The following FAM227B variants were observed in gnomAD, a reference collection of about 807,000 sequenced individuals.
The protein encoded by FAM227B is family with sequence similarity 227 member B.
In FAM227B, 88 loss-of-function variants were observed where a neutral mutation model predicts 73.8. The ratio of observed to expected loss-of-function variants is 1.19; its 90% confidence interval spans 1.00 to 1.42. The LOEUF (loss-of-function observed/expected upper bound fraction) is 1.42. Among genes scored for constraint, FAM227B ranks in the 40% most tolerant of loss-of-function variants. The probability of loss-of-function intolerance (pLI) is 0.00; values close to 1 mark genes in which losing one functional copy is unlikely to be tolerated. For missense variants in FAM227B, 632 were observed against 590.9 expected, an observed-to-expected ratio of 1.07 and a Z score of -0.72; for synonymous variants, 210 against 190.5, an observed-to-expected ratio of 1.10 and a Z score of -0.84.
intron 11 of FAM227B, among the ~76,000 whole-genome samples, chr15:49,403,900 C>T (rs1268239565): frequency 2.0e-5 from 3 of 152,058 alleles, no homozygotes; most frequent in Non-Finnish European, 2.9e-5. Flanking sequence ...GCATTTAGTC[C>T]TATACATTTC....
intron 11 of FAM227B, among the ~76,000 whole-genome samples, chr15:49,394,929 T>C (rs544150536): frequency 6.6e-6 from 1 of 152,258 alleles, no homozygotes; most frequent in South Asian, 2.1e-4. Flanking sequence ...CACACACGCA[T>C]GCCAAACTTA....
rs368536213 is a variant in FAM227B at position 49,521,361 on chromosome 15, G to T, written c.875-13013C>A. Among the ~76,000 whole-genome samples, 435 of 152,296 alleles carry T rather than the reference G, an allele frequency of 2.9e-3. 6 individuals carry two copies. Among genetic ancestry groups the T allele is most frequent in the South Asian group, 0.027 (128 of 4,820 alleles). ...GCCCTTTGAAACAAAGGAAACATGG[G>T]TGTGTGGTGATCTCTGAAAGGGGCA... On this transcript the variant is annotated intron_variant, in intron 10 of 15. Coordinates refer to ENST00000299338, the MANE Select transcript of FAM227B (RefSeq NM_152647.3).
intron 5 of FAM227B, among the ~76,000 whole-genome samples, chr15:49,582,150 T>C (rs1327931224): frequency 6.6e-6 from 1 of 152,176 alleles, no homozygotes; most frequent in African/African-American, 2.4e-5. Context: ...TGAATGTAAA[T>C]GGGGGCTAAA....
intron 8 of FAM227B, among the ~76,000 whole-genome samples, chr15:49,571,681 C>A (rs553410631): frequency 3.9e-4 from 59 of 151,974 alleles, no homozygotes; most frequent in Admixed American, 2.6e-3. Context: ...TTTGGGGGCT[C>A]TCTTTTCTGT....
At chr15:49,554,329 A>G (rs1023376551) in intron 9 of FAM227B, among the ~76,000 whole-genome samples, 1 of 151,882 alleles carries the variant, frequency 6.6e-6, no homozygotes. Context: ...TTGCGTGCAC[A>G]CTCCAGTCCA....
At chr15:49,415,831 G>A (rs1220464204) in intron 11 of FAM227B, among the ~76,000 whole-genome samples, 1 of 152,114 alleles carries the variant, frequency 6.6e-6, no homozygotes, top group Non-Finnish European at 1.5e-5. Context: ...TATGCCAAGG[G>A]TAAGCACAAG....
At chr15:49,392,279 G>A (rs1384950050) in intron 11 of FAM227B, among the ~76,000 whole-genome samples, 1 of 152,128 alleles carries the variant, frequency 6.6e-6, no homozygotes, top group Non-Finnish European at 1.5e-5. Context: ...GCTTGAATTA[G>A]TACCTTGGAG....
chr15:49,334,946 A>G (rs1409329180), intron 14 of FAM227B, among the ~76,000 whole-genome samples: 1 of 152,194 alleles, frequency 6.6e-6, no homozygotes, highest in Non-Finnish European at 1.5e-5. Context: ...ACCACAAGCA[A>G]TTATTTTATA....
intron 14 of FAM227B, among the ~76,000 whole-genome samples, chr15:49,332,283 C>G (rs1449709525): frequency 6.6e-6 from 1 of 152,164 alleles, no homozygotes; most frequent in Non-Finnish European, 1.5e-5. Context: ...TCATAAGGCT[C>G]TAGCCCAGAC....
chr15:49,436,373 A>G (rs2051105607), intron 11 of FAM227B, among the ~76,000 whole-genome samples: 1 of 151,622 alleles, frequency 6.6e-6, no homozygotes, highest in East Asian at 1.9e-4. Context: ...CAAGAAGTTC[A>G]TATATAGAAT....
chr15:49,350,248 C>T (rs531596276), intron 13 of FAM227B, among the ~76,000 whole-genome samples: 1 of 152,226 alleles, frequency 6.6e-6, no homozygotes, highest in East Asian at 1.9e-4. Flanking sequence ...TAAAATGTGG[C>T]GAGTGTATCA....
chr15:49,515,089 T>C (rs2059287989), intron 10 of FAM227B, among the ~76,000 whole-genome samples: 1 of 152,144 alleles, frequency 6.6e-6, no homozygotes. Context: ...TTTTCTCCTT[T>C]AGGGATTCCA....
chr15:49,586,582 TACC>T (rs1194990923), intron 5 of FAM227B, among the ~76,000 whole-genome samples: 1 of 152,086 alleles, frequency 6.6e-6, no homozygotes, highest in Non-Finnish European at 1.5e-5. Flanking sequence ...CAAAATAAAC[TACC>T]AACAGAGTAA....
At chr15:49,615,078 A>T (rs745810489) in intron 2 of FAM227B, 43 bp downstream of exon 2, 2 of 1,573,700 alleles carry the variant, frequency 1.3e-6, no homozygotes, top group East Asian at 2.2e-5. Flanking sequence ...CAAGAGAAAT[A>T]TAACCTTTGT....
chr15:49,486,565 A>C (rs1313626155), intron 11 of FAM227B: 1 of 151,974 alleles, frequency 6.6e-6, no homozygotes, highest in Non-Finnish European at 1.5e-5. Flanking sequence ...TCTTCATTTT[A>C]AAAGGGTAAA....
intron 10 of FAM227B, among the ~76,000 whole-genome samples, chr15:49,535,693 C>G (rs565437814): frequency 6.6e-6 from 1 of 151,774 alleles, no homozygotes; most frequent in African/African-American, 2.4e-5. Flanking sequence ...AATTTAAAAG[C>G]ACATGAAAAA....
chr15:49,508,256 A>AT lies in FAM227B; in HGVS notation c.966dup (p.Ser323IlefsTer16). 1 of 1,610,820 alleles carries AT rather than the reference A, an allele frequency of 6.2e-7. No homozygotes were observed. Among genetic ancestry groups the AT allele is most frequent in the Non-Finnish European group, 8.5e-7 (1 of 1,178,608 alleles). On this transcript the variant is annotated frameshift_variant, in exon 11 of 16. Transcript: ENST00000299338. LOFTEE classifies it high-confidence loss of function. ...CTGTCTGCAATTCTTTCCTTTACTG[A>AT]TTTTGCAGGTGCTTTTTTGCTACCA...
At chr15:49,489,870 A>ATTT (rs2056882769) in intron 11 of FAM227B, among the ~76,000 whole-genome samples, 2 of 15,588 alleles carry the variant, frequency 1.3e-4, no homozygotes, top group African/African-American at 1.5e-4. Flanking sequence ...TTATATATAT[A>ATTT]TATATATATA....
chr15:49,501,612 A>C (rs1164051137), intron 11 of FAM227B, among the ~76,000 whole-genome samples: 2 of 152,260 alleles, frequency 1.3e-5, no homozygotes, highest in Admixed American at 1.3e-4. Flanking sequence ...ATAACGTAAA[A>C]GGTTAGAAAA....
Sources: gnomAD v4.1 joint callset for allele counts (sites outside exome capture counted in the v4.1 genomes callset) on GRCh38, gnomAD v4.1.1 for gene constraint, MANE v1.5 for transcripts, NCBI Gene and HGNC (gene_info 2026-07-23, HGNC 2026-07-21) for gene names.